RNF6: variants seen among roughly 807,000 people sequenced by gnomAD.
The protein encoded by RNF6 is E3 ubiquitin-protein ligase RNF6.
Under a neutral mutation model 50.1 loss-of-function variants are expected in RNF6, and 21 were observed. The ratio of observed to expected loss-of-function variants is 0.42; its 90% confidence interval spans 0.30 to 0.60. The LOEUF (loss-of-function observed/expected upper bound fraction) is 0.60. Ranked by LOEUF, RNF6 falls within the 20% of genes least tolerant of loss-of-function variation. RNF6 has a pLI of 0.20. For synonymous variants in RNF6, 255 were observed against 291.8 expected (o/e 0.87, Z 1.29); for missense variants, 698 against 838.2 (o/e 0.83, Z 2.07).
intron 5 of RNF6, among the ~76,000 whole-genome samples, chr13:26,152,802 T>A (rs1310470119): frequency 5.9e-5 from 9 of 152,148 alleles, no homozygotes; most frequent in Admixed American, 5.9e-4. Flanking sequence ...AAGGGAGAAG[T>A]CAGCATGGAC....
At chr13:26,166,040 C>T (rs1406976624) in intron 5 of RNF6, among the ~76,000 whole-genome samples, 1 of 152,124 alleles carries the variant, frequency 6.6e-6, no homozygotes, top group East Asian at 1.9e-4. Flanking sequence ...ATCTTGAATT[C>T]CCACATGTTG....
intron 1 of RNF6, chr13:26,221,732 G>A (rs564178086): frequency 2.0e-4 from 31 of 152,258 alleles, no homozygotes; most frequent in African/African-American, 7.2e-4. Context: ...TCGCGCCGGG[G>A]GACGATCCCC....
At chr13:26,164,911 C>T (rs550881326) in intron 5 of RNF6, among the ~76,000 whole-genome samples, 23 of 152,280 alleles carry the variant, frequency 1.5e-4, no homozygotes, top group Middle Eastern at 3.4e-3. Flanking sequence ...AAAGAAAATG[C>T]CATTTTCGGA....
chr13:26,141,043 C>T (rs1053394492), intron 5 of RNF6, among the ~76,000 whole-genome samples: 10 of 152,134 alleles, frequency 6.6e-5, no homozygotes, highest in African/African-American at 2.2e-4. Context: ...ATTGAAATGT[C>T]CATACTACCC....
chr13:26,182,713 G>A (rs1351250548), intron 5 of RNF6, among the ~76,000 whole-genome samples: 1 of 152,192 alleles, frequency 6.6e-6, no homozygotes, highest in Non-Finnish European at 1.5e-5. Context: ...GCTAAGGTAG[G>A]AGGATTGCTT....
At chr13:26,154,899 G>A (rs1009836153) in intron 5 of RNF6, among the ~76,000 whole-genome samples, 6 of 151,860 alleles carry the variant, frequency 4.0e-5, no homozygotes, top group Non-Finnish European at 5.9e-5. Flanking sequence ...ATGTGGTGGC[G>A]CACACCTGTA....
intron 5 of RNF6, among the ~76,000 whole-genome samples, chr13:26,197,185 C>G (rs1868699431): frequency 6.6e-6 from 1 of 151,884 alleles, no homozygotes; most frequent in Non-Finnish European, 1.5e-5. Context: ...GATGATCCAG[C>G]ACACTCTTGA....
intron 5 of RNF6, among the ~76,000 whole-genome samples, chr13:26,188,227 T>C (rs932751): frequency 0.89 from 136,032 of 152,200 alleles, 60,866 homozygotes; most frequent in East Asian, 1. Flanking sequence ...ATTCTATAAG[T>C]GTAAACTGGT....
chr13:26,158,815 C>T (rs1872068456), intron 5 of RNF6, among the ~76,000 whole-genome samples: 1 of 151,974 alleles, frequency 6.6e-6, no homozygotes, highest in Non-Finnish European at 1.5e-5. Context: ...TTTGTGTTTG[C>T]CTTTTTTGTT....
intron 5 of RNF6, among the ~76,000 whole-genome samples, chr13:26,178,444 C>T (rs969997591): frequency 3.3e-5 from 5 of 151,178 alleles, no homozygotes; most frequent in African/African-American, 9.8e-5. Context: ...GACCTAAACA[C>T]CTCCCAAAGG....
chr13:26,218,394 AG>A, intron 4 of RNF6, 116 bp downstream of exon 4: 1 of 722,408 alleles, frequency 1.4e-6, no homozygotes. Flanking sequence ...TATCTGAATG[AG>A]TATCACATTA....
At chr13:26,180,437 G>A (rs1473673959) in intron 5 of RNF6, among the ~76,000 whole-genome samples, 1 of 152,142 alleles carries the variant, frequency 6.6e-6, no homozygotes, top group Non-Finnish European at 1.5e-5. Context: ...GAGGGTGACA[G>A]GTACTCTGCA....
At chr13:26,202,773 T>G (rs1271071147) in intron 5 of RNF6, among the ~76,000 whole-genome samples, 1 of 152,166 alleles carries the variant, frequency 6.6e-6, no homozygotes, top group Non-Finnish European at 1.5e-5. Flanking sequence ...CAAACACCCA[T>G]ATCACATGGG....
At chr13:26,188,282 C>A (rs1873648998) in intron 5 of RNF6, among the ~76,000 whole-genome samples, 1 of 152,172 alleles carries the variant, frequency 6.6e-6, no homozygotes, top group Non-Finnish European at 1.5e-5. Flanking sequence ...GCAAGGGAGG[C>A]AATTATAACA....
chr13:26,152,619 G>T (rs566967782), intron 5 of RNF6, among the ~76,000 whole-genome samples: 1 of 152,254 alleles, frequency 6.6e-6, no homozygotes, highest in South Asian at 2.1e-4. Context: ...TCCTCTACAC[G>T]TGTTTACTGA....
chr13:26,205,506 G>C (rs981896281), intron 5 of RNF6, among the ~76,000 whole-genome samples: 1 of 152,154 alleles, frequency 6.6e-6, no homozygotes, highest in Non-Finnish European at 1.5e-5. Flanking sequence ...CCTCAGGTGG[G>C]TGTGGTAATT....
intron 5 of RNF6, among the ~76,000 whole-genome samples, chr13:26,182,322 T>A (rs1254934790): frequency 1.3e-5 from 2 of 152,204 alleles, no homozygotes; most frequent in African/African-American, 4.8e-5. Flanking sequence ...ATGTCCCTTA[T>A]TTAGGTTTGT....
intron 5 of RNF6, among the ~76,000 whole-genome samples, chr13:26,192,643 G>T (rs962760742): frequency 1.3e-5 from 2 of 152,178 alleles, no homozygotes; most frequent in African/African-American, 4.8e-5. Context: ...GATGAAACAG[G>T]CTGCCATTTT....
At position 26,176,124 on chromosome 13, in the gene RNF6, T is replaced by G. The variant is rs148743140; in HGVS notation, n.768+39350A>C. Reference sequence around the variant, plus strand: ...CTAAGGCGTGAGGCCTGATGTGAACTAATGAAGAGGAATGAAGGAGGACAG... The same window carrying G: ...CTAAGGCGTGAGGCCTGATGTGAACGAATGAAGAGGAATGAAGGAGGACAG... On this transcript the variant is annotated intron_variant and non_coding_transcript_variant, in intron 5 of 5. Coordinates refer to the RNF6 transcript ENST00000468480. Among the ~76,000 whole-genome samples, 16 of 152,274 alleles carry G rather than the reference T, an allele frequency of 1.1e-4. No individual in the cohort carries two copies. The East Asian group carries it at 2.9e-3, about 28-fold the overall frequency.
Sources: allele counts gnomAD v4.1 joint callset (sites outside exome capture counted in the v4.1 genomes callset), GRCh38; gene constraint gnomAD v4.1.1; transcripts MANE v1.5; gene names NCBI Gene and HGNC (gene_info 2026-07-23, HGNC 2026-07-21).